SAMMSON: variants seen among roughly 807,000 people sequenced by gnomAD.
The protein encoded by SAMMSON is survival associated mitochondrial melanoma specific oncogenic non-coding RNA.
At chr3:70,139,525 G>A (rs146208005) in intron 4 of SAMMSON, among the ~76,000 whole-genome samples, 2 of 152,266 alleles carry the variant, frequency 1.3e-5, no homozygotes, top group East Asian at 3.9e-4. Flanking sequence ...GCAGCCCTCT[G>A]TCTGGGTCCT....
intron 4 of SAMMSON, among the ~76,000 whole-genome samples, chr3:70,176,063 G>A (rs1204425750): frequency 1.3e-5 from 2 of 152,048 alleles, no homozygotes; most frequent in Non-Finnish European, 2.9e-5. Flanking sequence ...CAGACTTAAG[G>A]TCAGAATTTG....
At chr3:70,399,204 T>C (rs948416888) in intron 2 of SAMMSON, among the ~76,000 whole-genome samples, 1 of 152,166 alleles carries the variant, frequency 6.6e-6, no homozygotes, top group Admixed American at 6.5e-5. Flanking sequence ...ATCCTCGTTG[T>C]TTATTTCCGT....
chr3:70,247,527 G>A (rs1701718715), intron 4 of SAMMSON, among the ~76,000 whole-genome samples: 1 of 151,508 alleles, frequency 6.6e-6, no homozygotes, highest in Non-Finnish European at 1.5e-5. Flanking sequence ...TAAACATATA[G>A]GATTTTTCTA....
chr3:70,184,882 G>C (rs1367971125), intron 4 of SAMMSON, among the ~76,000 whole-genome samples: 1 of 152,160 alleles, frequency 6.6e-6, no homozygotes, highest in Non-Finnish European at 1.5e-5. Flanking sequence ...ACTGTTCTTA[G>C]CATGCTGGAC....
chr3:70,367,042 T>G (rs1051152495), intron 9 of SAMMSON, among the ~76,000 whole-genome samples: 1 of 151,752 alleles, frequency 6.6e-6, no homozygotes, highest in African/African-American at 2.4e-5. Flanking sequence ...TGTATGGATA[T>G]ATAATTGTAC....
rs1342167443 is a variant in SAMMSON, at chr3:70,037,757, G to C, written n.417+24085G>C. Among the ~76,000 whole-genome samples, 5 of 152,278 alleles carry C rather than the reference G, an allele frequency of 3.3e-5. 1 individual carries two copies. On this transcript the variant is annotated intron_variant and non_coding_transcript_variant, in intron 3 of 9. Coordinates refer to ENST00000642114, the Ensembl canonical transcript of SAMMSON. ...TACAGCACTCTTTCCAGTTGAGCTG[G>C]AATACACCCTTAGATTGCTTCTCCA...
At chr3:70,300,636 T>C (rs1316332464) in intron 7 of SAMMSON, among the ~76,000 whole-genome samples, 4 of 152,106 alleles carry the variant, frequency 2.6e-5, no homozygotes, top group Non-Finnish European at 5.9e-5. Flanking sequence ...AAGAACTAGT[T>C]ATTTCTCCCA....
chr3:70,047,051 C>T (rs1441773644), intron 3 of SAMMSON, among the ~76,000 whole-genome samples: 1 of 152,114 alleles, frequency 6.6e-6, no homozygotes, highest in Admixed American at 6.6e-5. Context: ...AGGTCACATA[C>T]TCACAGGTTC....
At chr3:70,261,351 CA>C (rs1295137636) in intron 6 of SAMMSON, among the ~76,000 whole-genome samples, 1 of 152,060 alleles carries the variant, frequency 6.6e-6, no homozygotes, top group Non-Finnish European at 1.5e-5. Flanking sequence ...AACTATGCTT[CA>C]AAAAAAGTTG....
chr3:70,116,049 G>A (rs1232946229), intron 4 of SAMMSON, among the ~76,000 whole-genome samples: 1 of 152,084 alleles, frequency 6.6e-6, no homozygotes, highest in Non-Finnish European at 1.5e-5. Flanking sequence ...CCAGTCAAAA[G>A]TTTCATTGCA....
chr3:70,077,679 T>A (rs2067253926), intron 4 of SAMMSON, among the ~76,000 whole-genome samples: 2 of 152,188 alleles, frequency 1.3e-5, no homozygotes, highest in Admixed American at 6.5e-5. Context: ...ACTCGTAAAT[T>A]TTGTTTTCCC....
At chr3:70,014,285 A>G (rs1039556363) in intron 3 of SAMMSON, 4 of 152,028 alleles carry the variant, frequency 2.6e-5, no homozygotes, top group Admixed American at 2.0e-4. Context: ...GAATGTCTGG[A>G]CTCTTTCCTT....
chr3:70,125,634 G>C (rs2067454723), intron 4 of SAMMSON: 1 of 699,544 alleles, frequency 1.4e-6, no homozygotes, highest in South Asian at 1.5e-5. Context: ...CAGCTGGCAT[G>C]TCGGTAGATA....
intron 7 of SAMMSON, among the ~76,000 whole-genome samples, chr3:70,342,237 T>C (rs976706007): frequency 2.0e-5 from 3 of 152,186 alleles, no homozygotes; most frequent in Non-Finnish European, 4.4e-5. Flanking sequence ...GTTTTTTTCT[T>C]TGCAAAAACT....
At chr3:70,060,639 G>A (rs1313502259) in intron 3 of SAMMSON, among the ~76,000 whole-genome samples, 2 of 152,046 alleles carry the variant, frequency 1.3e-5, no homozygotes, top group African/African-American at 2.4e-5. Context: ...CACAACTTGG[G>A]GGGAGATGCT....
intron 4 of SAMMSON, among the ~76,000 whole-genome samples, chr3:70,202,173 G>T (rs777247094): frequency 6.6e-6 from 1 of 152,138 alleles, no homozygotes; most frequent in Non-Finnish European, 1.5e-5. Context: ...TCTGGTAATG[G>T]TTAGTGACTA....
intron 4 of SAMMSON, chr3:70,071,588 T>C (rs557185921): frequency 1.3e-5 from 2 of 152,164 alleles, no homozygotes; most frequent in East Asian, 3.9e-4. Flanking sequence ...GGTGCCGGCA[T>C]TGAGAGAACA....
chr3:70,118,215 C>T (rs1341043679), intron 4 of SAMMSON, among the ~76,000 whole-genome samples: 1 of 152,186 alleles, frequency 6.6e-6, no homozygotes, highest in African/African-American at 2.4e-5. Flanking sequence ...AGCCACTGTG[C>T]CTGGCCAGAT....
intron 4 of SAMMSON, among the ~76,000 whole-genome samples, chr3:70,132,791 A>G (rs111326812): frequency 0.026 from 2,496 of 97,386 alleles, 61 homozygotes; most frequent in African/African-American, 0.075. Flanking sequence ...AAAAGAAAAG[A>G]AAAAAAAAAC....
Sources: allele counts gnomAD v4.1 joint callset (sites outside exome capture counted in the v4.1 genomes callset), GRCh38; gene constraint gnomAD v4.1.1; transcripts MANE v1.5; gene names NCBI Gene and HGNC (gene_info 2026-07-23, HGNC 2026-07-21).